DCHS1: variants seen among roughly 807,000 people sequenced by gnomAD.
DCHS1 encodes the protein protocadherin-16.
In DCHS1, 78 loss-of-function variants were observed where a neutral mutation model predicts 213.9. That is an observed-to-expected ratio of 0.36 (90% confidence interval 0.30 to 0.44). The LOEUF is 0.44. DCHS1 is among the 20% of genes least tolerant of loss of function. DCHS1 has a pLI of 1.00. For synonymous variants in DCHS1, 1,828 were observed against 1,873.7 expected, an observed-to-expected ratio of 0.98 and a Z score of 0.63; for missense variants, 3,946 against 4,395.9, an observed-to-expected ratio of 0.90 and a Z score of 2.89.
chr11:6,630,877 G>T lies in DCHS1; in HGVS notation c.3931-14C>A, dbSNP rs750324167. The T allele has an allele frequency of 1.4e-5, 21 of 1,508,940 alleles. No individual in the cohort carries two copies. In the East Asian group the frequency reaches 4.7e-4, roughly 34 times the overall value. The allele number at this position is 1,508,940 out of a possible 1,614,324, so 93.5% of individuals were successfully genotyped here. A position where few individuals can be genotyped will look rare whatever the true frequency, so the allele number is the denominator to read the frequency against. On this transcript the variant is annotated splice_polypyrimidine_tract_variant and intron_variant, in intron 9 of 20. Coordinates refer to ENST00000299441, the MANE Select transcript of DCHS1 (RefSeq NM_003737.4). Reference sequence around the variant, plus strand: ...TGAGGGAAGCACCTGTTGTGGACCGGGGAGGGAGAACAGAATTGTGAGGGC... The same window carrying T: ...TGAGGGAAGCACCTGTTGTGGACCGTGGAGGGAGAACAGAATTGTGAGGGC...
At chr11:6,638,132 C>T (rs547966321) in intron 2 of DCHS1, among the ~76,000 whole-genome samples, 11 of 152,200 alleles carry the variant, frequency 7.2e-5, no homozygotes, top group South Asian at 2.1e-4. Flanking sequence ...CAGCAGCAGG[C>T]GAGCAAATAT....
At position 6,628,661 on chromosome 11, in the gene DCHS1, T is replaced by C. The variant is rs1855850569; in HGVS notation, c.5331A>G (p.Pro1777=). 6.2e-7 allele frequency: 1 copy of C among 1,613,908 alleles called. No individual in the cohort carries two copies. The highest frequency in any genetic ancestry group is 8.5e-7 in the Non-Finnish European group (1 of 1,179,892). The change falls in exon 13 of 21, where the codon CCA becomes CCG. Residue 1777 remains proline (P), a synonymous_variant. Coordinates refer to ENST00000299441, the MANE Select transcript of DCHS1 (RefSeq NM_003737.4). The surrounding 1 kb of genome is among the most constrained non-coding windows in gnomAD (Gnocchi z 4.3). Reference sequence around the variant, plus strand: ...GCAACTGCCCATTGGCTCCCACATCTGGATCAGAGGCCCGAAGCATGGTAA... The same window carrying C: ...GCAACTGCCCATTGGCTCCCACATCCGGATCAGAGGCCCGAAGCATGGTAA... ...QTLTMLRASD[P]DVGANGQLQY... is the part of the protein sequence containing the mutation.
rs1367756831 is a variant in DCHS1, at chr11:6,632,150, C to A, written c.3362G>T (p.Gly1121Val). The A allele has an allele frequency of 6.3e-7, 1 of 1,591,376 alleles. No individual in the cohort carries two copies. Among genetic ancestry groups the A allele is most frequent in the Admixed American group, 1.7e-5 (1 of 59,038 alleles). ...GGCAAAGACTCGGCCCACGCTGGTCCCTGGGGGCTGGTTCTCAGCCACAGC... is the reference window on the plus strand; with the variant it reads ...GGCAAAGACTCGGCCCACGCTGGTCACTGGGGGCTGGTTCTCAGCCACAGC... ...FLAVAENQPP[G>V]TSVGRVFATD... The change falls in exon 6 of 21, where the codon GGG becomes GTG. Residue 1121 changes from glycine to valine, a missense_variant. Coordinates refer to ENST00000299441, the MANE Select transcript of DCHS1 (RefSeq NM_003737.4). This position sits in a 1 kb window ranked among gnomAD's most constrained non-coding sequence, Gnocchi z 5.9.
rs148882462 is a variant in DCHS1 at position 6,630,047 on chromosome 11, G to C, written c.4747C>G (p.Arg1583Gly). ...TGGCCGTCCCCGCCAGATGCCAGCC[G>C]ATAGGACACGCGTGCAGCCTCGCCC... is the stretch of plus-strand genomic sequence containing the variant. The part of the protein sequence containing the change: ...DLGEAARVSY[R>G]LASGGDGHFR... Residue 1583 changes from arginine (R) to glycine (G), a missense_variant, in exon 10 of 21, where the codon CGG (arginine) becomes GGG (glycine). Transcript: ENST00000299441. 35 of 1,559,974 alleles carry C rather than the reference G, an allele frequency of 2.2e-5. No homozygotes were observed. The highest frequency in any genetic ancestry group is 3.0e-5 in the Non-Finnish European group (34 of 1,149,720).
chr11:6,641,582 C>A lies in DCHS1; in HGVS notation c.32G>T (p.Cys11Phe). The A allele has an allele frequency of 6.5e-7, 1 of 1,550,154 alleles. No homozygotes were observed. Among genetic ancestry groups the A allele is most frequent in the Non-Finnish European group, 8.7e-7 (1 of 1,146,622 alleles). The change falls in exon 2 of 21, where the codon TGC becomes TTC. Residue 11 changes from cysteine to phenylalanine, a missense_variant. Around this residue, in one of 3 missense-constraint regions of DCHS1, gnomAD observed 3,384 missense variants for 3,780.1 expected, o/e 0.90. Coordinates refer to ENST00000299441, the MANE Select transcript of DCHS1 (RefSeq NM_003737.4). The surrounding 1 kb of genome is among the most constrained non-coding windows in gnomAD (Gnocchi z 7.1). ...GGGCCTGGGGCTCTTCATGCCAGGG[C>A]AGGAAGGCACAATGCCCAGCTCCTT... Reference protein sequence around the residue: MQKELGIVPSCPGMKSPRPHL... With the variant: MQKELGIVPSFPGMKSPRPHL...
chr11:6,625,828 G>A lies in DCHS1; in HGVS notation c.6731+92C>T. 1 of 1,579,846 alleles carries A rather than the reference G, an allele frequency of 6.3e-7. No individual in the cohort carries two copies. Among genetic ancestry groups the A allele is most frequent in the African/African-American group, 1.3e-5 (1 of 74,246 alleles). ...ACAGAGCTTAGGGCTGGGGAATTCAGGATGTGGCCAAGGGACCAGATGAGT... is the reference window on the plus strand; with the variant it reads ...ACAGAGCTTAGGGCTGGGGAATTCAAGATGTGGCCAAGGGACCAGATGAGT... On this transcript the variant is annotated intron_variant, in intron 17 of 20. Transcript: ENST00000299441. This position sits in a 1 kb window ranked among gnomAD's most constrained non-coding sequence, Gnocchi z 5.3.
Position 6,628,282 on chromosome 11 carries a change from C to G in DCHS1, c.5371+339G>C, listed in dbSNP as rs750069834. On this transcript the variant is annotated intron_variant, in intron 13 of 20. Coordinates refer to ENST00000299441, the MANE Select transcript of DCHS1 (RefSeq NM_003737.4). The surrounding 1 kb of genome is among the most constrained non-coding windows in gnomAD (Gnocchi z 4.3). ...ATCATCTCAGTTTTATTATCTAATA[C>G]AGTAAATACTGATATAATCCACATA... 6.6e-6 allele frequency among the ~76,000 whole-genome samples: 1 copy of G among 152,156 alleles called. No individual in the cohort carries two copies. Among genetic ancestry groups the G allele is most frequent in the African/African-American group, 2.4e-5 (1 of 41,422 alleles).
At position 6,632,511 on chromosome 11, in the gene DCHS1, T is replaced by C; in HGVS notation, c.3001A>G (p.Asn1001Asp). Reference sequence around the variant, plus strand: ...AGGTCCACACGGTAGGTAGGGCTGTTGAATCGGGGAGCCAGCCCACGGGTT... The same window carrying C: ...AGGTCCACACGGTAGGTAGGGCTGTCGAATCGGGGAGCCAGCCCACGGGTT... The part of the protein sequence containing the change: ...VGTRGLAPRF[N>D]SPTYRVDLPS... Residue 1001 changes from asparagine (N) to aspartate (D), a missense_variant, in exon 6 of 21, where the codon AAC becomes GAC. By Grantham distance (23) the Asn-to-Asp change is conservative. This residue lies in a region of DCHS1 where 3,384 missense variants were observed against 3,780.1 expected (regional missense o/e 0.90). Coordinates refer to ENST00000299441, the MANE Select transcript of DCHS1 (RefSeq NM_003737.4). This position sits in a 1 kb window ranked among gnomAD's most constrained non-coding sequence, Gnocchi z 5.9. 1.9e-6 allele frequency: 3 copies of C among 1,550,950 alleles called. No individual in the cohort carries two copies. Among genetic ancestry groups the C allele is most frequent in the Non-Finnish European group, 2.6e-6 (3 of 1,146,960 alleles).
Position 6,640,911 on chromosome 11 carries a change from G to C in DCHS1, c.703C>G (p.Arg235Gly), listed in dbSNP as rs188153920. ...ACGTCCAGCAGGGCCTGGGCCCTCC[G>C]GGGGGGTGAACCACCATCATAGGCC... ...LEAYDGGSPP[R>G]RAQALLDVTL... The change falls in exon 2 of 21, where the codon CGG becomes GGG. Residue 235 changes from arginine (R) to glycine (G), a missense_variant. By Grantham distance (125) the Arg-to-Gly change is moderately radical. Around this residue, in one of 3 missense-constraint regions of DCHS1, gnomAD observed 3,384 missense variants for 3,780.1 expected, o/e 0.90. Transcript: ENST00000299441. The surrounding 1 kb of genome is among the most constrained non-coding windows in gnomAD (Gnocchi z 6.5). 2.5e-6 allele frequency: 4 copies of C among 1,613,720 alleles called. No individual in the cohort carries two copies. Among genetic ancestry groups the C allele is most frequent in the Non-Finnish European group, 3.4e-6 (4 of 1,179,728 alleles).
intron 2 of DCHS1, among the ~76,000 whole-genome samples, chr11:6,635,368 C>T (rs1008416118): frequency 2.0e-5 from 3 of 152,172 alleles, no homozygotes; most frequent in Admixed American, 6.5e-5. Flanking sequence ...AAGTTTTATA[C>T]ATTGGGTACA....
At position 6,632,571 on chromosome 11, in the gene DCHS1, G is replaced by A; in HGVS notation, c.2941C>T (p.His981Tyr). The change falls in exon 6 of 21, where the codon CAC becomes TAC. Residue 981 changes from histidine to tyrosine, a missense_variant. By Grantham distance (83) the His-to-Tyr change is moderately conservative (BLOSUM62 2). Around this residue, in one of 3 missense-constraint regions of DCHS1, gnomAD observed 3,384 missense variants for 3,780.1 expected, o/e 0.90. Transcript: ENST00000299441. This position sits in a 1 kb window ranked among gnomAD's most constrained non-coding sequence, Gnocchi z 5.9. ...TGTACCACCACCCGTAGTCGAAAGT[G>A]GCTGGTGCGTGGTGGGGAGCCCCCA... ...RDGGSPPRTS[H>Y]FRLRVVVQDV... 6.6e-7 allele frequency: 1 copy of A among 1,513,896 alleles called. No homozygotes were observed. Among genetic ancestry groups the A allele is most frequent in the Non-Finnish European group, 8.9e-7 (1 of 1,128,084 alleles). 93.8% of individuals were successfully genotyped at this position (1,513,896 alleles called of 1,614,324 possible). A position where few individuals can be genotyped will look rare whatever the true frequency, so the allele number is the denominator to read the frequency against.
rs1564865337 is a variant in DCHS1, at chr11:6,632,517, G to T, written c.2995C>A (p.Arg999=). The T allele has an allele frequency of 6.5e-7, 1 of 1,544,820 alleles. No homozygotes were observed. The highest frequency in any genetic ancestry group is 1.4e-5 in the African/African-American group (1 of 73,070). ...QDVGTRGLAP[R]FNSPTYRVDL... Reference sequence around the variant, plus strand: ...ACACGGTAGGTAGGGCTGTTGAATCGGGGAGCCAGCCCACGGGTTCCCACA... The same window carrying T: ...ACACGGTAGGTAGGGCTGTTGAATCTGGGAGCCAGCCCACGGGTTCCCACA... The change falls in exon 6 of 21, where the codon CGA becomes AGA. Residue 999 remains arginine, a synonymous_variant. Coordinates refer to ENST00000299441, the MANE Select transcript of DCHS1 (RefSeq NM_003737.4). This position sits in a 1 kb window ranked among gnomAD's most constrained non-coding sequence, Gnocchi z 5.9.
rs548049245 is a variant in DCHS1, at chr11:6,650,410, A to C, written c.-121+5153T>G. On this transcript the variant is annotated intron_variant, in intron 1 of 20. Transcript: ENST00000299441. ...TAGGGAAGATGGATACAGGAGCTGA[A>C]GGAAGGGGGGTCAGCAGGAAGCTGG... is the stretch of plus-strand genomic sequence containing the variant. Among the ~76,000 whole-genome samples the C allele has an allele frequency of 2.0e-5, 3 of 152,304 alleles. No homozygotes were observed. In the East Asian group the frequency reaches 5.8e-4, roughly 29 times the overall value.
In DCHS1 at chr11:6,631,662, G is replaced by A. The variant is rs1283433834; in HGVS notation, c.3629C>T (p.Thr1210Met). 24 of 1,604,538 alleles carry A rather than the reference G, an allele frequency of 1.5e-5. No individual in the cohort carries two copies. The highest frequency in any genetic ancestry group is 1.7e-4 in the Middle Eastern group (1 of 5,992). Residue 1210 changes from threonine to methionine, a missense_variant, in exon 7 of 21, where the codon ACG becomes ATG. Thr to Met is a moderately conservative substitution (Grantham distance 81, BLOSUM62 -1). Coordinates refer to ENST00000299441, the MANE Select transcript of DCHS1 (RefSeq NM_003737.4). Reference sequence around the variant, plus strand: ...AGCAGCTCCTGAAGCCTGCAGGAACGTGGGGCTGTTGTCGTTGAGGTCAAG... The same window carrying A: ...AGCAGCTCCTGAAGCCTGCAGGAACATGGGGCTGTTGTCGTTGAGGTCAAG... ...AVLDLNDNSP[T>M]FLQASGAAGG...
chr11:6,626,093 T>C lies in DCHS1; in HGVS notation c.6577-19A>G. 1 of 1,604,082 alleles carries C rather than the reference T, an allele frequency of 6.2e-7. No individual in the cohort carries two copies. The highest frequency in any genetic ancestry group is 1.1e-5 in the South Asian group (1 of 89,336). ...CCTCCACCTGGTGAGGGTAGGAGGC[T>C]GCTGGGACTGGTCTGGCCACAGACA... On this transcript the variant is annotated intron_variant, in intron 16 of 20. Coordinates refer to ENST00000299441, the MANE Select transcript of DCHS1 (RefSeq NM_003737.4). This position sits in a 1 kb window ranked among gnomAD's most constrained non-coding sequence, Gnocchi z 5.2.
intron 9 of DCHS1, 63 bp downstream of exon 9, chr11:6,630,990 G>A (rs1030969374): frequency 6.5e-7 from 1 of 1,541,596 alleles, no homozygotes; most frequent in Non-Finnish European, 8.7e-7. Context: ...AAGGATTCCC[G>A]TGAAGCTGGA....
At position 6,638,952 on chromosome 11, in the gene DCHS1, A is replaced by G. The variant is rs144234166; in HGVS notation, c.1797+865T>C. Among the ~76,000 whole-genome samples, 554 of 152,214 alleles carry G rather than the reference A, an allele frequency of 3.6e-3. 4 individuals carry two copies. Among genetic ancestry groups the G allele is most frequent in the African/African-American group, 0.013 (530 of 41,504 alleles). On this transcript the variant is annotated intron_variant, in intron 2 of 20. Transcript: ENST00000299441. ...ACAGTGAAACCCCGTCTCTATTAAA[A>G]ATACAAAAAATTAGCTGGGTGTGGT...
At position 6,655,781 on chromosome 11, in the gene DCHS1, GC is replaced by G; in HGVS notation, c.-340del. Reference sequence around the variant, plus strand: ...ACGCCCGGGCGCCGCCTCCTGCACAGCCGCCCCGCCGAGGATGCGAGCTCCG... The same window carrying G: ...ACGCCCGGGCGCCGCCTCCTGCACAGCGCCCCGCCGAGGATGCGAGCTCCG... On this transcript the variant is annotated 5_prime_UTR_variant, in exon 1 of 21. Coordinates refer to ENST00000299441, the MANE Select transcript of DCHS1 (RefSeq NM_003737.4). 7.2e-6 allele frequency: 7 copies of G among 975,434 alleles called. No homozygotes were observed. Among genetic ancestry groups the G allele is most frequent in the Non-Finnish European group, 8.5e-6 (7 of 826,336 alleles). 60.4% of individuals were successfully genotyped at this position (975,434 alleles called of 1,614,324 possible).
chr11:6,637,739 C>T (rs1438356860), intron 2 of DCHS1, among the ~76,000 whole-genome samples: 3 of 152,048 alleles, frequency 2.0e-5, no homozygotes, highest in Non-Finnish European at 4.4e-5. Flanking sequence ...TCATATATAT[C>T]CCCAAATGGA....
Sources: allele counts gnomAD v4.1 joint callset (sites outside exome capture counted in the v4.1 genomes callset), GRCh38; gene constraint gnomAD v4.1.1; regional missense constraint gnomAD v4.1.1; non-coding constraint Gnocchi (gnomAD v3.1); transcripts MANE v1.5; gene names NCBI Gene and HGNC (gene_info 2026-07-23, HGNC 2026-07-21).